The following GNB5 variants were observed in gnomAD, a reference collection of about 807,000 sequenced individuals.
The protein encoded by GNB5 is guanine nucleotide-binding protein subunit beta-5.
GNB5 carries 37 observed loss-of-function variants against 55.3 expected under a neutral mutation model. The observed-to-expected ratio is 0.67, with a 90% CI of 0.51 to 0.88. GNB5 has a LOEUF of 0.88. Among genes scored for constraint, GNB5 ranks in the 40% least tolerant of loss-of-function variants. The pLI, the probability that GNB5 is intolerant of heterozygous loss-of-function variation, is 0.00. For missense variants in GNB5, 476 were observed against 515.3 expected, an observed-to-expected ratio of 0.92 and a Z score of 0.74; for synonymous variants, 219 against 198.5, an observed-to-expected ratio of 1.10 and a Z score of -0.87.
chr15:52,170,863 T>C (rs1434889843), intron 3 of GNB5, among the ~76,000 whole-genome samples: 1 of 151,936 alleles, frequency 6.6e-6, no homozygotes, highest in African/African-American at 2.4e-5. Context: ...CCCAGCACTT[T>C]GAGAGGCTGA....
At chr15:52,147,897 G>A (rs925893182) in intron 5 of GNB5, among the ~76,000 whole-genome samples, 1 of 152,082 alleles carries the variant, frequency 6.6e-6, no homozygotes, top group African/African-American at 2.4e-5. Flanking sequence ...AAATCTTAAT[G>A]TTTAAATTTT....
chr15:52,142,617 T>C (rs2033882801), intron 6 of GNB5, among the ~76,000 whole-genome samples: 1 of 152,158 alleles, frequency 6.6e-6, no homozygotes, highest in Admixed American at 6.5e-5. Flanking sequence ...TCCTTTACTT[T>C]CTAGAACAAG....
intron 12 of GNB5, 100 bp downstream of exon 12, chr15:52,124,373 C>T (rs2141181237): frequency 1.1e-6 from 1 of 943,442 alleles, no homozygotes; most frequent in East Asian, 2.5e-5. Flanking sequence ...TGACCAGGCC[C>T]ACCTGAGCTT....
intron 2 of GNB5, among the ~76,000 whole-genome samples, chr15:52,181,907 CAT>C (rs1644130244): frequency 6.6e-6 from 1 of 151,604 alleles, no homozygotes; most frequent in African/African-American, 2.4e-5. Flanking sequence ...ATATAACAAA[CAT>C]GTTTATAAAT....
Position 52,136,265 on chromosome 15 carries a change from G to GTGTT in GNB5, c.628-513_628-510dup, listed in dbSNP as rs1452891349. ...TTCCTACCCTCACAGTCCTTGAGTT[G>GTGTT]TGTTTATATGCCTGCCTCCCAGCAG... On this transcript the variant is annotated intron_variant, in intron 7 of 12. Coordinates refer to ENST00000261837, the MANE Select transcript of GNB5 (RefSeq NM_016194.4). Among the ~76,000 whole-genome samples the GTGTT allele has an allele frequency of 9.9e-5, 15 of 152,014 alleles. No homozygotes were observed. In the East Asian group the frequency reaches 2.9e-3, roughly 29 times the overall value.
rs751263225 is a variant in GNB5 at position 52,136,113 on chromosome 15, AACACACAC to A, written c.628-365_628-358del. Among the ~76,000 whole-genome samples the A allele has an allele frequency of 7.4e-3, 377 of 50,724 alleles. 3 individuals are homozygous for A. The highest frequency in any genetic ancestry group is 0.019 in the East Asian group (17 of 874). The allele number at this position is 50,724 out of a possible 152,430, so 33.3% of individuals were successfully genotyped here. On this transcript the variant is annotated intron_variant, in intron 7 of 12. Coordinates refer to ENST00000261837, the MANE Select transcript of GNB5 (RefSeq NM_016194.4). ...CACACACACACAGGGAAAAGCAGAA[AACACACAC>A]ACACACACACACACACACACACACA...
At chr15:52,140,067 A>G (rs76600734) in intron 7 of GNB5, 2 of 807,002 alleles carry the variant, frequency 2.5e-6, no homozygotes, top group East Asian at 1.6e-4. Flanking sequence ...GGCTCAAATA[A>G]TAGGTGTAAA....
At chr15:52,140,877 T>A (rs1415990363) in intron 7 of GNB5, among the ~76,000 whole-genome samples, 1 of 152,146 alleles carries the variant, frequency 6.6e-6, no homozygotes, top group African/African-American at 2.4e-5. Flanking sequence ...CCTGCTCCAC[T>A]CCCACCCTCG....
rs1056804568 is a variant in GNB5, at chr15:52,118,416, A to G, written c.*4341T>C. ...TTTCATCCTCTCAGGAATTTTCCAGAGACTACTGGCATGGGAGAAAGATCA... is the reference window on the plus strand; with the variant it reads ...TTTCATCCTCTCAGGAATTTTCCAGGGACTACTGGCATGGGAGAAAGATCA... On this transcript the variant is annotated 3_prime_UTR_variant, in exon 13 of 13. Coordinates refer to ENST00000261837, the MANE Select transcript of GNB5 (RefSeq NM_016194.4). 1.3e-5 allele frequency: 2 copies of G among 152,022 alleles called. No individual in the cohort carries two copies. The highest frequency in any genetic ancestry group is 2.9e-5 in the Non-Finnish European group (2 of 68,022). 9.4% of individuals were successfully genotyped at this position (152,022 alleles called of 1,614,324 possible).
At chr15:52,179,260 G>A (rs1031707609) in intron 3 of GNB5, among the ~76,000 whole-genome samples, 1 of 152,110 alleles carries the variant, frequency 6.6e-6, no homozygotes, top group Non-Finnish European at 1.5e-5. Context: ...CCAAGGATAG[G>A]GGAGAGGTTG....
chr15:52,180,722 C>T (rs1308777090), intron 2 of GNB5: 2 of 152,190 alleles, frequency 1.3e-5, no homozygotes, highest in African/African-American at 2.4e-5. Flanking sequence ...CCAGGATGCA[C>T]GTTTAGCGAC....
intron 3 of GNB5, among the ~76,000 whole-genome samples, chr15:52,162,144 GCA>G (rs1309297927): frequency 6.6e-6 from 1 of 152,174 alleles, no homozygotes; most frequent in Non-Finnish European, 1.5e-5. Flanking sequence ...TGAGGGAAGA[GCA>G]CAGTTAACAA....
At chr15:52,140,018 A>AGC in intron 7 of GNB5, 1 of 1,153,332 alleles carries the variant, frequency 8.7e-7, no homozygotes, top group Non-Finnish European at 1.1e-6. Flanking sequence ...CAGTGGCCAC[A>AGC]GCGCCCCCTG....
At chr15:52,122,815 C>G in intron 12 of GNB5, 47 bp from the exon 13 acceptor site, 1 of 1,483,214 alleles carries the variant, frequency 6.7e-7, no homozygotes, top group South Asian at 1.1e-5. Flanking sequence ...TAGTTAACAA[C>G]TTATAAAACT....
At chr15:52,187,284 G>C (rs1028917107) in intron 1 of GNB5, among the ~76,000 whole-genome samples, 5 of 152,138 alleles carry the variant, frequency 3.3e-5, no homozygotes, top group Admixed American at 1.3e-4. Flanking sequence ...TTAGGACGGT[G>C]AGCCACAGGC....
intron 3 of GNB5, among the ~76,000 whole-genome samples, chr15:52,155,763 TTAA>T (rs2034195535): frequency 6.6e-6 from 1 of 151,940 alleles, no homozygotes; most frequent in South Asian, 2.1e-4. Context: ...GGGTGCTGAG[TTAA>T]TGTCACTGCA....
chr15:52,167,348 A>C (rs2034469060), intron 3 of GNB5, among the ~76,000 whole-genome samples: 1 of 152,196 alleles, frequency 6.6e-6, no homozygotes, highest in Admixed American at 6.5e-5. Context: ...TCATCCTGAT[A>C]TCAAAACCTG....
rs993476483 is a variant in GNB5, at chr15:52,121,772, T to A, written c.*985A>T. 15 of 151,830 alleles carry A rather than the reference T, an allele frequency of 9.9e-5. No homozygotes were observed. Among genetic ancestry groups the A allele is most frequent in the African/African-American group, 3.6e-4 (15 of 41,398 alleles). The allele number at this position is 151,830 out of a possible 1,614,324, so 9.4% of individuals were successfully genotyped here. ...GCGCCCGCCACCACGCCCGGCTAATTTTTTGTATTTTTTAGTAGAGACAGG... is the reference window on the plus strand; with the variant it reads ...GCGCCCGCCACCACGCCCGGCTAATATTTTGTATTTTTTAGTAGAGACAGG... On this transcript the variant is annotated 3_prime_UTR_variant, in exon 13 of 13. Coordinates refer to ENST00000261837, the MANE Select transcript of GNB5 (RefSeq NM_016194.4).
At chr15:52,133,576 G>T in intron 8 of GNB5, 107 bp from the exon 9 acceptor site, 1 of 730,974 alleles carries the variant, frequency 1.4e-6, no homozygotes, top group Non-Finnish European at 2.4e-6. Context: ...ATTAGCAAAT[G>T]GTTGACAACA....
Sources: allele counts gnomAD v4.1 joint callset (sites outside exome capture counted in the v4.1 genomes callset), GRCh38; gene constraint gnomAD v4.1.1; transcripts MANE v1.5; gene names NCBI Gene and HGNC (gene_info 2026-07-23, HGNC 2026-07-21).